The following EPM2A variants were observed in gnomAD, a reference collection of about 807,000 sequenced individuals.
The protein encoded by EPM2A is laforin.
In EPM2A, 21 loss-of-function variants were observed where a neutral mutation model predicts 26.5. The observed-to-expected ratio is 0.79, with a 90% CI of 0.56 to 1.14. The LOEUF is 1.14. Ranked by LOEUF, EPM2A falls within the 50% of genes most tolerant of loss-of-function variation. The pLI is 0.00. For missense variants in EPM2A, 458 were observed against 440.8 expected, an observed-to-expected ratio of 1.04 and a Z score of -0.35; for synonymous variants, 217 against 177.6, an observed-to-expected ratio of 1.22 and a Z score of -1.76.
intron 2 of EPM2A, among the ~76,000 whole-genome samples, chr6:145,662,832 C>T (rs577132221): frequency 6.6e-6 from 1 of 152,206 alleles, no homozygotes; most frequent in African/African-American, 2.4e-5. Flanking sequence ...ATGGATTTTA[C>T]AAGGAAAGTG....
chr6:145,509,517 T>A (rs891002380), intron 2 of EPM2A, among the ~76,000 whole-genome samples: 1 of 152,100 alleles, frequency 6.6e-6, no homozygotes, highest in African/African-American at 2.4e-5. Context: ...ACAAATAAAG[T>A]CTTTCCCAGA....
In EPM2A at chr6:145,670,219, C is replaced by A. The variant is rs1779544042; in HGVS notation, c.476+15903G>T. 2.0e-5 allele frequency: 3 copies of A among 152,142 alleles called. No homozygotes were observed. In the South Asian group the frequency reaches 6.2e-4, roughly 32 times the overall value. The allele number at this position is 152,142 out of a possible 1,614,324, so 9.4% of individuals were successfully genotyped here. A position where few individuals can be genotyped will look rare whatever the true frequency, so the allele number is the denominator to read the frequency against. On this transcript the variant is annotated intron_variant, in intron 2 of 3. Coordinates refer to ENST00000367519, the MANE Select transcript of EPM2A (RefSeq NM_005670.4). Reference sequence around the variant, plus strand: ...AAATTTCCTTCACCTTTCTAACCTTCCCTCATTGCTCTGATCTCTTTTGTA... The same window carrying A: ...AAATTTCCTTCACCTTTCTAACCTTACCTCATTGCTCTGATCTCTTTTGTA...
chr6:145,635,084 CCA>C (rs1776543616), intron 3 of EPM2A, 159 bp downstream of exon 3: 1 of 757,878 alleles, frequency 1.3e-6, no homozygotes, highest in East Asian at 2.9e-5. Context: ...AGAATCTTAG[CCA>C]CAGTGTCAAA....
intron 4 of EPM2A, among the ~76,000 whole-genome samples, chr6:145,385,971 A>G (rs1176800700): frequency 2.0e-5 from 3 of 152,020 alleles, no homozygotes; most frequent in Non-Finnish European, 4.4e-5. Context: ...ACAAAACTAT[A>G]CTCCAGGGAG....
At chr6:145,580,870 T>C (rs761837130) in intron 2 of EPM2A, among the ~76,000 whole-genome samples, 5 of 152,334 alleles carry the variant, frequency 3.3e-5, no homozygotes, top group Admixed American at 6.5e-5. Flanking sequence ...TATGGCTGCA[T>C]AATAGTCCAT....
intron 2 of EPM2A, among the ~76,000 whole-genome samples, chr6:145,675,315 C>T (rs1779950560): frequency 6.6e-6 from 1 of 152,152 alleles, no homozygotes; most frequent in South Asian, 2.1e-4. Flanking sequence ...CAACTGTTAC[C>T]ACCCACTGCA....
intron 2 of EPM2A, among the ~76,000 whole-genome samples, chr6:145,536,096 T>C: frequency 6.6e-6 from 1 of 152,242 alleles, no homozygotes; most frequent in Non-Finnish European, 1.5e-5. Context: ...TGTGGTTCTT[T>C]GTAGCCTATT....
intron 2 of EPM2A, among the ~76,000 whole-genome samples, chr6:145,580,310 T>G (rs951200506): frequency 6.6e-6 from 1 of 152,128 alleles, no homozygotes; most frequent in Admixed American, 6.5e-5. Context: ...ATTAAATGAT[T>G]AGCATTTGAA....
At chr6:145,413,290 G>A (rs937919776) in intron 4 of EPM2A, among the ~76,000 whole-genome samples, 1 of 152,124 alleles carries the variant, frequency 6.6e-6, no homozygotes, top group Non-Finnish European at 1.5e-5. Context: ...CCAATTAAGA[G>A]CAAAGAGCAA....
intron 2 of EPM2A, among the ~76,000 whole-genome samples, chr6:145,519,133 T>G (rs1346306630): frequency 6.6e-6 from 1 of 152,208 alleles, no homozygotes; most frequent in African/African-American, 2.4e-5. Flanking sequence ...GAAGAAAATT[T>G]TATTATTTAA....
At chr6:145,529,830 A>C (rs1780329539) in intron 2 of EPM2A, among the ~76,000 whole-genome samples, 1 of 152,182 alleles carries the variant, frequency 6.6e-6, no homozygotes. Flanking sequence ...AACCAGAGAA[A>C]ATTGCTTTTC....
chr6:145,541,962 A>G (rs149077222), intron 2 of EPM2A, among the ~76,000 whole-genome samples: 63 of 152,090 alleles, frequency 4.1e-4, no homozygotes, highest in Admixed American at 1.1e-3. Flanking sequence ...ACATATGAGG[A>G]GATGATGCTT....
intron 2 of EPM2A, among the ~76,000 whole-genome samples, chr6:145,525,077 G>A (rs192464287): frequency 6.6e-6 from 1 of 152,038 alleles, no homozygotes; most frequent in African/African-American, 2.4e-5. Context: ...TCAGATGACT[G>A]TACGTATGCA....
chr6:145,534,536 T>C (rs2114787236), intron 2 of EPM2A, among the ~76,000 whole-genome samples: 1 of 152,330 alleles, frequency 6.6e-6, no homozygotes, highest in East Asian at 1.9e-4. Flanking sequence ...TTTTCTAAGT[T>C]ATGCACCTCT....
chr6:145,573,368 G>A (rs900439706), intron 2 of EPM2A, among the ~76,000 whole-genome samples: 1 of 152,354 alleles, frequency 6.6e-6, no homozygotes, highest in East Asian at 1.9e-4. Context: ...CAAGTCAATG[G>A]CTGCATACCA....
intron 4 of EPM2A, among the ~76,000 whole-genome samples, chr6:145,438,997 TG>T (rs1779026758): frequency 6.6e-6 from 1 of 152,162 alleles, no homozygotes; most frequent in Non-Finnish European, 1.5e-5. Flanking sequence ...CTGTATCTGT[TG>T]TTCCCCTCTT....
intron 4 of EPM2A, among the ~76,000 whole-genome samples, chr6:145,483,101 T>G (rs890401792): frequency 3.9e-5 from 6 of 152,092 alleles, no homozygotes; most frequent in Admixed American, 3.3e-4. Context: ...AATGGGCGAA[T>G]GTAAGCTCAT....
intron 4 of EPM2A, among the ~76,000 whole-genome samples, chr6:145,483,360 A>G (rs1403400964): frequency 6.6e-6 from 1 of 152,072 alleles, no homozygotes; most frequent in Non-Finnish European, 1.5e-5. Context: ...AAGAGTTTCT[A>G]TACCTCTCTG....
intron 1 of EPM2A, among the ~76,000 whole-genome samples, chr6:145,694,350 A>G (rs1781454626): frequency 6.6e-6 from 1 of 152,056 alleles, no homozygotes; most frequent in Non-Finnish European, 1.5e-5. Context: ...ACTCTTCGGC[A>G]CTTTGATGTT....
Sources: gnomAD v4.1 joint callset for allele counts (sites outside exome capture counted in the v4.1 genomes callset) on GRCh38, gnomAD v4.1.1 for gene constraint, MANE v1.5 for transcripts, NCBI Gene and HGNC (gene_info 2026-07-23, HGNC 2026-07-21) for gene names.